The following HDAC5 variants were observed in gnomAD, a reference collection of about 807,000 sequenced individuals.
The protein encoded by HDAC5 is antigen NY-CO-9.
In HDAC5, 25 loss-of-function variants were observed where a neutral mutation model predicts 133.3. That is an observed-to-expected ratio of 0.19 (90% confidence interval 0.14 to 0.26). The LOEUF is 0.26. HDAC5 is among the 10% of genes least tolerant of loss of function. HDAC5 has a pLI of 1.00. For synonymous variants in HDAC5, 589 were observed against 610.8 expected, an observed-to-expected ratio of 0.96 and a Z score of 0.53; for missense variants, 1,041 against 1,460.5, an observed-to-expected ratio of 0.71 and a Z score of 4.68.
chr17:44,095,710 G>C (rs1160276896), intron 3 of HDAC5, among the ~76,000 whole-genome samples: 1 of 152,072 alleles, frequency 6.6e-6, no homozygotes, highest in African/African-American at 2.4e-5. Flanking sequence ...CCTGGGGGGA[G>C]GGGGAATAAG....
intron 3 of HDAC5, among the ~76,000 whole-genome samples, chr17:44,104,314 T>TA (rs971425812): frequency 6.6e-6 from 1 of 151,718 alleles, no homozygotes; most frequent in African/African-American, 2.4e-5. Context: ...AAAAAAAAAT[T>TA]AAAAAAATAA....
intron 3 of HDAC5, among the ~76,000 whole-genome samples, chr17:44,096,342 A>G (rs2051268616): frequency 6.6e-6 from 1 of 152,098 alleles, no homozygotes; most frequent in Non-Finnish European, 1.5e-5. Flanking sequence ...GGCCTGAGAA[A>G]AAAGGACCCC....
chr17:44,100,046 T>A (rs1439840236), intron 3 of HDAC5, among the ~76,000 whole-genome samples: 2 of 152,152 alleles, frequency 1.3e-5, no homozygotes, highest in African/African-American at 4.8e-5. Context: ...CTGAGACTAC[T>A]GCCAGCACAG....
At chr17:44,114,230 C>T (rs2052508849) in intron 2 of HDAC5, among the ~76,000 whole-genome samples, 1 of 152,218 alleles carries the variant, frequency 6.6e-6, no homozygotes, top group Non-Finnish European at 1.5e-5. Context: ...CAGAGGTGTG[C>T]CAGGGGGCAT....
rs1432667902 is a variant in HDAC5, at chr17:44,077,568, AG to A, written c.*807del. ...CAGGGACCACCTTCTCCCCTTGCCC[AG>A]GCTGTGCCAGCAGAGGGGCAGGGAG... On this transcript the variant is annotated 3_prime_UTR_variant, in exon 27 of 27. Transcript: ENST00000682912. 2.0e-5 allele frequency: 3 copies of A among 152,384 alleles called. No homozygotes were observed. The highest frequency in any genetic ancestry group is 4.4e-5 in the Non-Finnish European group (3 of 68,062). 9.4% of individuals were successfully genotyped at this position (152,384 alleles called of 1,614,324 possible). A position where few individuals can be genotyped will look rare whatever the true frequency, so the allele number is the denominator to read the frequency against.
intron 2 of HDAC5, among the ~76,000 whole-genome samples, chr17:44,114,675 G>A (rs2052549330): frequency 6.6e-6 from 1 of 152,178 alleles, no homozygotes; most frequent in African/African-American, 2.4e-5. Context: ...ACCAGAGCTG[G>A]CCTGGGTCCC....
intron 25 of HDAC5, 59 bp downstream of exon 25, chr17:44,078,736 G>GC: frequency 6.2e-7 from 1 of 1,609,268 alleles, no homozygotes; most frequent in Admixed American, 1.7e-5. Flanking sequence ...CAGTCCTGGT[G>GC]CTCCCACAAG....
At chr17:44,081,091 T>G (rs1000929297) in intron 20 of HDAC5, among the ~76,000 whole-genome samples, 4 of 152,054 alleles carry the variant, frequency 2.6e-5, no homozygotes, top group Non-Finnish European at 5.9e-5. Flanking sequence ...ACCCCACACT[T>G]CTCTAACTAG....
chr17:44,081,580 CT>C (rs36005901), intron 20 of HDAC5: 1,739 of 127,062 alleles, frequency 0.014, 25 homozygotes, highest in African/African-American at 0.043. Flanking sequence ...TCTTTTCTTT[CT>C]TTTTTTTTTT....
intron 23 of HDAC5, 88 bp from the exon 24 acceptor site, chr17:44,079,365 GGC>G: frequency 7.3e-7 from 1 of 1,378,454 alleles, no homozygotes. Context: ...AAAAAGGCCA[GGC>G]GCGGTGGCTC....
At chr17:44,120,353 G>C (rs951390876) in intron 1 of HDAC5, 2 of 152,182 alleles carry the variant, frequency 1.3e-5, no homozygotes, top group Non-Finnish European at 2.9e-5. Flanking sequence ...CCCAGGCCAG[G>C]GTACCCCCTA....
chr17:44,123,210 C>G, intron 1 of HDAC5: 1 of 258,850 alleles, frequency 3.9e-6, no homozygotes, highest in East Asian at 7.3e-5. Flanking sequence ...GGTCTCCGAG[C>G]CATTTGGGGG....
Position 44,078,570 on chromosome 17 carries a change from T to C in HDAC5, c.3259A>G (p.Ser1087Gly). Residue 1087 changes from serine to glycine, a missense_variant, in exon 26 of 27, where the codon AGC (serine) becomes GGC (glycine). Ser to Gly is a moderately conservative substitution (Grantham distance 56, BLOSUM62 0). Coordinates refer to ENST00000682912, the MANE Select transcript of HDAC5 (RefSeq NM_005474.5). ...CCCACCGACAGCAAGGCCATGGCGC[T>C]CACAGTCTCGGCCTCCTCGGTCTCA... ...AGETEEAETV[S>G]AMALLSVGAE... 1 of 1,611,268 alleles carries C rather than the reference T, an allele frequency of 6.2e-7. No homozygotes were observed. Among genetic ancestry groups the C allele is most frequent in the East Asian group, 2.2e-5 (1 of 44,856 alleles).
At chr17:44,100,405 G>A (rs906476463) in intron 3 of HDAC5, among the ~76,000 whole-genome samples, 2 of 151,902 alleles carry the variant, frequency 1.3e-5, no homozygotes, top group African/African-American at 4.8e-5. Context: ...AAGAGGCTTA[G>A]CATCTAGCTC....
At chr17:44,084,048 T>C (rs1195204513) in intron 16 of HDAC5, among the ~76,000 whole-genome samples, 194 bp from the exon 17 acceptor site, 1 of 151,226 alleles carries the variant, frequency 6.6e-6, no homozygotes, top group African/African-American at 2.4e-5. Flanking sequence ...TGCTTGAGCC[T>C]GGGGAGACAG....
At chr17:44,108,878 C>T (rs961829365) in intron 3 of HDAC5, among the ~76,000 whole-genome samples, 4 of 151,998 alleles carry the variant, frequency 2.6e-5, no homozygotes, top group Non-Finnish European at 4.4e-5. Context: ...GCCCTCTCCC[C>T]GAGCCGCTGA....
Position 44,091,481 on chromosome 17 carries a change from C to A in HDAC5, c.1176G>T (p.Lys392Asn). ...VTNSHLTASP[K>N]LSTQQEAERQ... ...TCTCGGCCTCCTGCTGTGTCGACAG[C>A]TTCGGGGAGGCCTGGGGGGTGAAGG... Residue 392 changes from lysine to asparagine, a missense_variant, in exon 11 of 27, where the codon AAG becomes AAT. Physicochemically the swap from Lys to Asn is moderately conservative, Grantham distance 94. Around this residue, in one of 9 missense-constraint regions of HDAC5, gnomAD observed 433 missense variants for 531.6 expected, o/e 0.81. Transcript: ENST00000682912. 6.5e-7 allele frequency: 1 copy of A among 1,545,620 alleles called. No homozygotes were observed. Among genetic ancestry groups the A allele is most frequent in the Admixed American group, 2.0e-5 (1 of 49,680 alleles).
chr17:44,078,751 G>A (rs773167994), intron 25 of HDAC5, 44 bp downstream of exon 25: 114 of 1,610,820 alleles, frequency 7.1e-5, no homozygotes, highest in Non-Finnish European at 9.2e-5. Flanking sequence ...CACAAGCTCC[G>A]TGCCCCCTTG....
At chr17:44,089,747 CAAAAAAAAAAAAA>C (rs869263828) in intron 11 of HDAC5, among the ~76,000 whole-genome samples, 7 of 34,068 alleles carry the variant, frequency 2.1e-4, no homozygotes, top group East Asian at 2.0e-3. Flanking sequence ...AACTTCGTCT[CAAAAAAAAAAAAA>C]AAAAAAAAAA....
Sources: gnomAD v4.1 joint callset for allele counts (sites outside exome capture counted in the v4.1 genomes callset) on GRCh38, gnomAD v4.1.1 for gene constraint, gnomAD v4.1.1 regional missense constraint, MANE v1.5 for transcripts, NCBI Gene and HGNC (gene_info 2026-07-23, HGNC 2026-07-21) for gene names.